AKR1C3: variants seen among roughly 807,000 people sequenced by gnomAD.
AKR1C3 encodes the protein 3-alpha hydroxysteroid dehydrogenase, type II.
A neutral mutation model predicts 43.6 loss-of-function variants in AKR1C3; 48 were observed. The ratio of observed to expected loss-of-function variants is 1.10; its 90% confidence interval spans 0.87 to 1.40. The LOEUF is 1.40. Among genes scored for constraint, AKR1C3 ranks in the 40% most tolerant of loss-of-function variants. The pLI is 0.00. For synonymous variants in AKR1C3, 162 were observed against 139.6 expected (o/e 1.16, Z -1.13); for missense variants, 482 against 391.2 (o/e 1.23, Z -1.96).
At chr10:5,075,141 C>T (rs574929902) in intron 1 of AKR1C3, among the ~76,000 whole-genome samples, 7 of 152,256 alleles carry the variant, frequency 4.6e-5, no homozygotes, top group South Asian at 2.1e-4. Flanking sequence ...CTCTTTTCTC[C>T]CTCCCATAAC....
At position 5,107,638 on chromosome 10, in the gene AKR1C3, C is replaced by CTGAG; in HGVS notation, c.*137_*140dup. The CTGAG allele has an allele frequency of 4.7e-6, 3 of 645,112 alleles. No homozygotes were observed. Among genetic ancestry groups the CTGAG allele is most frequent in the Non-Finnish European group, 8.2e-6 (3 of 366,344 alleles). The allele number at this position is 645,112 out of a possible 1,614,324, so 40.0% of individuals were successfully genotyped here. Reference sequence around the variant, plus strand: ...GTTTAGCGACTTCAGTCAACTACAGCTGAGTCCATAGGCCAGAAAGACAAT... The same window carrying CTGAG: ...GTTTAGCGACTTCAGTCAACTACAGCTGAGTGAGTCCATAGGCCAGAAAGACAAT... On this transcript the variant is annotated 3_prime_UTR_variant, in exon 9 of 9. Coordinates refer to ENST00000380554, the MANE Select transcript of AKR1C3 (RefSeq NM_003739.6).
At chr10:5,104,768 C>A (rs587674118) in intron 7 of AKR1C3, among the ~76,000 whole-genome samples, 1 of 152,154 alleles carries the variant, frequency 6.6e-6, no homozygotes, top group African/African-American at 2.4e-5. Flanking sequence ...TAACATTCTC[C>A]ATTAAACCAT....
rs782121784 is a variant in AKR1C3, at chr10:5,096,470, A to G, written c.145A>G (p.Ile49Val). Residue 49 changes from isoleucine to valine, a missense_variant, in exon 2 of 9, where the codon ATA (isoleucine) becomes GTA (valine). Transcript: ENST00000380554. Reference sequence around the variant, plus strand: ...AGCAATAGAAGCTGGGTTCCGCCATATAGATTCTGCTCATTTATACAATAA... The same window carrying G: ...AGCAATAGAAGCTGGGTTCCGCCATGTAGATTCTGCTCATTTATACAATAA... ...KLAIEAGFRH[I>V]DSAHLYNNEE... 29 of 1,613,708 alleles carry G rather than the reference A, an allele frequency of 1.8e-5. No homozygotes were observed. Among genetic ancestry groups the G allele is most frequent in the Middle Eastern group, 3.3e-4 (2 of 6,082 alleles).
chr10:5,058,244 G>A (rs1476686882), intron 1 of AKR1C3, among the ~76,000 whole-genome samples: 1 of 152,156 alleles, frequency 6.6e-6, no homozygotes. Flanking sequence ...TTGCATAGTT[G>A]TGTATTCTCC....
chr10:5,081,489 A>G (rs2131817770), intron 1 of AKR1C3, among the ~76,000 whole-genome samples: 1 of 152,340 alleles, frequency 6.6e-6, no homozygotes, highest in African/African-American at 2.4e-5. Context: ...GAGTCTCTGA[A>G]AAACAATCAT....
At chr10:5,087,060 C>T (rs1341786928) in intron 1 of AKR1C3, among the ~76,000 whole-genome samples, 2 of 152,040 alleles carry the variant, frequency 1.3e-5, no homozygotes, top group East Asian at 3.9e-4. Flanking sequence ...GCATTTAGAC[C>T]ATTTACATTT....
At chr10:5,050,082 C>T (rs1464302055) in intron 1 of AKR1C3, among the ~76,000 whole-genome samples, 1 of 152,188 alleles carries the variant, frequency 6.6e-6, no homozygotes, top group Non-Finnish European at 1.5e-5. Flanking sequence ...TGCTCAGCTC[C>T]TTATCAGATC....
intron 7 of AKR1C3, among the ~76,000 whole-genome samples, chr10:5,104,481 AAATAATG>A (rs1839447923): frequency 6.6e-6 from 1 of 152,192 alleles, no homozygotes; most frequent in African/African-American, 2.4e-5. Context: ...TGTACTGTCT[AAATAATG>A]AAAGGTCTTG....
chr10:5,062,889 C>T (rs1196861944), intron 1 of AKR1C3, among the ~76,000 whole-genome samples: 1 of 147,686 alleles, frequency 6.8e-6, no homozygotes, highest in African/African-American at 2.5e-5. Context: ...AACAAAAAAA[C>T]TTGTAATTTC....
intron 1 of AKR1C3, among the ~76,000 whole-genome samples, chr10:5,079,313 T>C (rs782454478): frequency 6.6e-6 from 1 of 152,122 alleles, no homozygotes; most frequent in African/African-American, 2.4e-5. Context: ...AATGTGCCAC[T>C]CAAAATGTAC....
chr10:5,080,883 A>G (rs1395173759), intron 1 of AKR1C3: 2 of 152,224 alleles, frequency 1.3e-5, no homozygotes, highest in African/African-American at 4.8e-5. Context: ...GAATGATCAA[A>G]TGACGGCCAA....
rs188537339 is a variant in AKR1C3 at position 5,107,268 on chromosome 10, G to A, written c.930-193G>A. ...TTTACGTGTTAACTTCCAGATAAGG[G>A]AATATGATTGAATAATTTATTATTT... On this transcript the variant is annotated intron_variant, in intron 8 of 8. Transcript: ENST00000380554. 1.0e-3 allele frequency among the ~76,000 whole-genome samples: 153 copies of A among 152,270 alleles called. 1 individual carries two copies. The highest frequency in any genetic ancestry group is 3.5e-3 in the African/African-American group (145 of 41,550).
intron 1 of AKR1C3, among the ~76,000 whole-genome samples, chr10:5,051,945 A>G (rs1838161432): frequency 6.6e-6 from 1 of 152,212 alleles, no homozygotes; most frequent in Non-Finnish European, 1.5e-5. Flanking sequence ...TAGCTCAAAA[A>G]GGATGATTTG....
At chr10:5,064,980 C>T (rs1838468726) in intron 1 of AKR1C3, among the ~76,000 whole-genome samples, 1 of 149,020 alleles carries the variant, frequency 6.7e-6, no homozygotes, top group Admixed American at 6.7e-5. Flanking sequence ...TAAAAGAAGA[C>T]ATACTTGTGG....
chr10:5,078,380 G>A (rs113511629), intron 1 of AKR1C3, among the ~76,000 whole-genome samples: 5 of 152,184 alleles, frequency 3.3e-5, no homozygotes, highest in African/African-American at 7.2e-5. Context: ...GGAGGCGGAC[G>A]TTGCAGTGAA....
chr10:5,057,688 A>T (rs1161064153), intron 1 of AKR1C3, among the ~76,000 whole-genome samples: 2 of 152,180 alleles, frequency 1.3e-5, no homozygotes, highest in Non-Finnish European at 2.9e-5. Context: ...TTACGACTCC[A>T]GTCCCCATGA....
At chr10:5,079,287 G>C (rs1268360780) in intron 1 of AKR1C3, among the ~76,000 whole-genome samples, 3 of 152,128 alleles carry the variant, frequency 2.0e-5, no homozygotes, top group Admixed American at 1.3e-4. Flanking sequence ...TTGTCATACA[G>C]GGTGCAATAA....
intron 5 of AKR1C3, among the ~76,000 whole-genome samples, chr10:5,101,517 A>C (rs2131846296): frequency 6.6e-6 from 1 of 152,294 alleles, no homozygotes; most frequent in South Asian, 2.1e-4. Flanking sequence ...TACTATAATA[A>C]CCACCAATGG....
chr10:5,093,729 C>G (rs1482368837), upstream of AKR1C3: 1 of 152,080 alleles, frequency 6.6e-6, no homozygotes, highest in East Asian at 1.9e-4. Flanking sequence ...GATGTCCAAA[C>G]TCCAAAAACT....
Sources: gnomAD v4.1 joint callset for allele counts (sites outside exome capture counted in the v4.1 genomes callset) on GRCh38, gnomAD v4.1.1 for gene constraint, MANE v1.5 for transcripts, NCBI Gene and HGNC (gene_info 2026-07-23, HGNC 2026-07-21) for gene names.